The following TTC13 variants were observed in gnomAD, a reference collection of about 807,000 sequenced individuals.
TTC13 encodes the protein tetratricopeptide repeat domain 13.
TTC13 carries 62 observed loss-of-function variants against 120.0 expected under a neutral mutation model. The ratio of observed to expected loss-of-function variants is 0.52; its 90% CI spans 0.42 to 0.64. The LOEUF is 0.64. Among genes scored for constraint, TTC13 ranks in the 30% least tolerant of loss-of-function variants. TTC13 has a pLI of 0.00. For missense variants in TTC13, 824 were observed against 1,050.2 expected, an observed-to-expected ratio of 0.78 and a Z score of 2.98; for synonymous variants, 384 against 393.5, an observed-to-expected ratio of 0.98 and a Z score of 0.28.
intron 14 of TTC13, 126 bp downstream of exon 14, chr1:230,924,714 GA>G: frequency 9.6e-7 from 1 of 1,042,908 alleles, no homozygotes. Context: ...CTTTAGAGAG[GA>G]AAACCTAACT....
At chr1:230,908,591 C>T (rs947962438) in intron 22 of TTC13, 121 bp downstream of exon 22, 17 of 726,182 alleles carry the variant, frequency 2.3e-5, no homozygotes, top group African/African-American at 2.3e-4. Context: ...CATTGTATTA[C>T]ATATTAACTT....
chr1:230,956,064 C>T (rs562025357), intron 3 of TTC13, among the ~76,000 whole-genome samples: 52 of 152,320 alleles, frequency 3.4e-4, no homozygotes, highest in African/African-American at 1.2e-3. Context: ...CCAGTATTAA[C>T]TCATTTGCTC....
intron 7 of TTC13, among the ~76,000 whole-genome samples, chr1:230,939,743 T>TA (rs1314808250): frequency 6.6e-6 from 1 of 152,188 alleles, no homozygotes; most frequent in African/African-American, 2.4e-5. Flanking sequence ...CTGTCTCAAC[T>TA]ACAAAAAAAT....
intron 17 of TTC13, among the ~76,000 whole-genome samples, chr1:230,917,213 A>G (rs1325080920): frequency 6.6e-6 from 1 of 152,188 alleles, no homozygotes; most frequent in East Asian, 1.9e-4. Context: ...AGGAGAAGAA[A>G]TGCGTTAACA....
At chr1:230,908,488 C>T (rs1404281055) in intron 22 of TTC13, 10 of 549,816 alleles carry the variant, frequency 1.8e-5, no homozygotes, top group Non-Finnish European at 3.0e-5. Flanking sequence ...CTGTGCCTGG[C>T]CTTCATAGTC....
chr1:230,931,181 A>T, intron 11 of TTC13, 117 bp downstream of exon 11: 2 of 996,208 alleles, frequency 2.0e-6, no homozygotes, highest in Non-Finnish European at 2.9e-6. Context: ...GCTGTGGATG[A>T]GTCACCTGGC....
Position 230,939,403 on chromosome 1 carries a change from G to GA in TTC13, c.882dup (p.His295SerfsTer10). On this transcript the variant is annotated frameshift_variant, in exon 8 of 23. Coordinates refer to ENST00000366661, the MANE Select transcript of TTC13 (RefSeq NM_024525.5). LOFTEE classifies it high-confidence loss of function. ...ACTTTCACCTTCAGAAGTCCTCTGT[G>GA]AAAGAAAGTTAAACCTTTGTATAGC... 3 of 1,609,860 alleles carry GA rather than the reference G, an allele frequency of 1.9e-6. No individual in the cohort carries two copies. The highest frequency in any genetic ancestry group is 2.5e-6 in the Non-Finnish European group (3 of 1,176,808).
intron 18 of TTC13, 21 bp from the exon 19 acceptor site, chr1:230,912,779 G>C: frequency 2.5e-6 from 4 of 1,598,122 alleles, no homozygotes; most frequent in Non-Finnish European, 3.4e-6. Flanking sequence ...AAAAATAAGT[G>C]TGAAAGGCAT....
Position 230,944,124 on chromosome 1 carries a change from G to A in TTC13, c.580-226C>T, listed in dbSNP as rs112857581. ...TACTCAACAATAACATGTTAGACCC[G>A]GCTACCTATCACAAATTCCACAGAT... On this transcript the variant is annotated intron_variant, in intron 5 of 22. Coordinates refer to ENST00000366661, the MANE Select transcript of TTC13 (RefSeq NM_024525.5). This position sits in a 1 kb window ranked among gnomAD's most constrained non-coding sequence, Gnocchi z 4.0. 8.7e-4 allele frequency among the ~76,000 whole-genome samples: 133 copies of A among 152,066 alleles called. No homozygotes were observed. The highest frequency in any genetic ancestry group is 3.0e-3 in the African/African-American group (124 of 41,446).
At chr1:230,968,345 C>T (rs192203312) in intron 1 of TTC13, among the ~76,000 whole-genome samples, 4 of 151,904 alleles carry the variant, frequency 2.6e-5, no homozygotes, top group African/African-American at 7.2e-5. Context: ...AAAAACAACC[C>T]GGGTCTATTT....
intron 1 of TTC13, among the ~76,000 whole-genome samples, chr1:230,966,118 T>C (rs1414194625): frequency 1.3e-5 from 2 of 152,248 alleles, no homozygotes; most frequent in Admixed American, 6.5e-5. Context: ...TTTCAATTAT[T>C]GTAGCTTCAC....
chr1:230,963,934 G>T (rs1224789657), intron 1 of TTC13, among the ~76,000 whole-genome samples: 1 of 152,150 alleles, frequency 6.6e-6, no homozygotes, highest in Non-Finnish European at 1.5e-5. Context: ...AGATAGTAAT[G>T]GTTCCTGGCA....
intron 4 of TTC13, among the ~76,000 whole-genome samples, chr1:230,949,666 G>C (rs1163671492): frequency 6.7e-6 from 1 of 148,780 alleles, no homozygotes; most frequent in Non-Finnish European, 1.5e-5. Context: ...TTTTATTTTT[G>C]AGACGAAGTC....
intron 3 of TTC13, among the ~76,000 whole-genome samples, chr1:230,954,640 G>A (rs1389922281): frequency 6.6e-6 from 1 of 152,132 alleles, no homozygotes. Flanking sequence ...TAAAATATCT[G>A]CCTACAAGAG....
At chr1:230,936,498 C>G in intron 8 of TTC13, 1 of 293,760 alleles carries the variant, frequency 3.4e-6, no homozygotes, top group Non-Finnish European at 6.7e-6. Context: ...AAAGTGAAGA[C>G]TGATGGTGCT....
Position 230,906,985 on chromosome 1 carries a change from A to G in TTC13, c.2503T>C (p.Ser835Pro). ...GATCTTAACGTTGGAAACGTTTCTG[A>G]TACTGATGGAAGAGTCTTATAAGAA... Reference protein sequence around the residue: ...SPSYKTLPSVSETFPTLRSMI... With the variant: ...SPSYKTLPSVPETFPTLRSMI... The change falls in exon 23 of 23, where the codon TCA becomes CCA. Residue 835 changes from serine to proline, a missense_variant. By Grantham distance (74) the Ser-to-Pro change is moderately conservative (BLOSUM62 -1). Transcript: ENST00000366661. 6.5e-7 allele frequency: 1 copy of G among 1,542,572 alleles called. No homozygotes were observed. Among genetic ancestry groups the G allele is most frequent in the Non-Finnish European group, 8.7e-7 (1 of 1,152,538 alleles).
chr1:230,909,557 G>A (rs1047383200), intron 20 of TTC13, among the ~76,000 whole-genome samples: 2 of 152,172 alleles, frequency 1.3e-5, no homozygotes, highest in African/African-American at 4.8e-5. Context: ...GCTTGAACCC[G>A]GGAGGCAGAG....
rs770891986 is a variant in TTC13 at position 230,907,012 on chromosome 1, G to T, written c.2476C>A (p.Pro826Thr). ...ACTGATGGAAGAGTCTTATAAGAAG[G>T]TGAAATACTGAAAAAGAAAAACACA... Reference protein sequence around the residue: ...KSWMNLKSISPSYKTLPSVSE... With the variant: ...KSWMNLKSISTSYKTLPSVSE... Residue 826 changes from proline to threonine, a missense_variant, in exon 23 of 23, where the codon CCT (proline) becomes ACT (threonine). Coordinates refer to ENST00000366661, the MANE Select transcript of TTC13 (RefSeq NM_024525.5). 3.4e-6 allele frequency: 5 copies of T among 1,488,990 alleles called. No homozygotes were observed. The East Asian group carries it at 1.3e-4, about 38-fold the overall frequency. 92.2% of individuals were successfully genotyped at this position (1,488,990 alleles called of 1,614,324 possible).
At chr1:230,955,454 G>A (rs1430143889) in intron 3 of TTC13, among the ~76,000 whole-genome samples, 2 of 102,990 alleles carry the variant, frequency 1.9e-5, no homozygotes, top group Non-Finnish European at 4.3e-5. Flanking sequence ...ACAAGGTCAG[G>A]AGATCGAGAC....
Sources: gnomAD v4.1 joint callset for allele counts (sites outside exome capture counted in the v4.1 genomes callset) on GRCh38, gnomAD v4.1.1 for gene constraint, Gnocchi (gnomAD v3.1) non-coding constraint, MANE v1.5 for transcripts, NCBI Gene and HGNC (gene_info 2026-07-23, HGNC 2026-07-21) for gene names.